Variants in ZMYM4 observed in about 807,000 individuals in gnomAD.
ZMYM4 encodes zinc finger MYM-type containing 4, also known as zinc finger MYM-type protein 4.
In ZMYM4, 31 loss-of-function variants were observed where a neutral mutation model predicts 183.2. The ratio of observed to expected loss-of-function variants is 0.17; its 90% CI spans 0.13 to 0.23. ZMYM4 has a LOEUF of 0.23. Ranked by LOEUF, ZMYM4 falls within the 10% of genes least tolerant of loss-of-function variation. The pLI, the probability that ZMYM4 is intolerant of heterozygous loss-of-function variation, is 1.00. For synonymous variants in ZMYM4, 592 were observed against 631.2 expected (o/e 0.94, Z 0.93); for missense variants, 1,273 against 1,840.3 (o/e 0.69, Z 5.64).
intron 1 of ZMYM4, among the ~76,000 whole-genome samples, chr1:35,307,280 G>A (rs1641574599): frequency 6.6e-6 from 1 of 152,042 alleles, no homozygotes; most frequent in South Asian, 2.1e-4. Context: ...CACTGCATTG[G>A]TAGTGAAAAT....
rs1289633677 is a variant in ZMYM4, at chr1:35,405,467, A to G, written c.3795A>G (p.Arg1265=). Residue 1265 remains arginine (R), a splice_region_variant and synonymous_variant, in exon 25 of 30, where the codon AGA becomes AGG. Transcript: ENST00000314607. ...AAGAATCCTCAGAGCCAGGCTGTAG[A>G]GGTAAAATTTGTTTCTCTCCATTTG... The part of the protein sequence containing the change: ...LSQESSEPGC[R]VRSIKLKEDI... 1.9e-6 allele frequency: 3 copies of G among 1,593,290 alleles called. No homozygotes were observed. The highest frequency in any genetic ancestry group is 2.6e-6 in the Non-Finnish European group (3 of 1,172,918).
intron 1 of ZMYM4, among the ~76,000 whole-genome samples, chr1:35,288,083 C>T (rs1218618981): frequency 6.6e-6 from 1 of 152,136 alleles, no homozygotes; most frequent in Non-Finnish European, 1.5e-5. Context: ...TTCCCTTTCC[C>T]TTACTGTTTA....
rs376222320 is a variant in ZMYM4, at chr1:35,311,529, C to T, written c.40-13831C>T. Among the ~76,000 whole-genome samples the T allele has an allele frequency of 3.5e-3, 529 of 151,722 alleles. 2 individuals are homozygous for T. The highest frequency in any genetic ancestry group is 4.8e-3 in the Non-Finnish European group (329 of 67,926). On this transcript the variant is annotated intron_variant, in intron 1 of 29. Coordinates refer to ENST00000314607, the MANE Select transcript of ZMYM4 (RefSeq NM_005095.3). ...TCACTTCAGACCTGGCGTGGTGGCT[C>T]ATTCTGTAATCCCAGCACTGAGCCA...
chr1:35,308,379 A>G (rs1041074071), intron 1 of ZMYM4, among the ~76,000 whole-genome samples: 7 of 152,222 alleles, frequency 4.6e-5, no homozygotes, highest in Non-Finnish European at 1.0e-4. Flanking sequence ...ATGCAATGGT[A>G]TATACAAACT....
rs769225165 is a variant in ZMYM4 at position 35,405,219 on chromosome 1, C to G, written c.3700+25C>G. 24 of 1,608,666 alleles carry G rather than the reference C, an allele frequency of 1.5e-5. No homozygotes were observed. The Admixed American group carries it at 3.7e-4, about 25-fold the overall frequency. On this transcript the variant is annotated intron_variant, in intron 24 of 29. Coordinates refer to ENST00000314607, the MANE Select transcript of ZMYM4 (RefSeq NM_005095.3). ...GGTAAGTGCACAGCATGAATTGTAT[C>G]TTGATTTAGGTAGGGGGAAATATAC... is the stretch of plus-strand genomic sequence containing the variant.
At chr1:35,280,286 C>G (rs1378207079) in intron 1 of ZMYM4, among the ~76,000 whole-genome samples, 2 of 149,112 alleles carry the variant, frequency 1.3e-5, no homozygotes, top group African/African-American at 2.5e-5. Flanking sequence ...CTCTCCCTCT[C>G]TCTCTCTTCT....
chr1:35,415,435 TA>T lies in ZMYM4; in HGVS notation c.4061-30del, dbSNP rs775861152. 3.7e-6 allele frequency: 6 copies of T among 1,613,800 alleles called. No individual in the cohort carries two copies. The African/African-American group carries it at 6.7e-5, about 18-fold the overall frequency. ...TTAGTCTACTTTAGCAGGAGCTCAGTACTGTTTCTTGTACCCCTTCTTCTGT... is the reference window on the plus strand; with the variant it reads ...TTAGTCTACTTTAGCAGGAGCTCAGTCTGTTTCTTGTACCCCTTCTTCTGT... On this transcript the variant is annotated intron_variant, in intron 27 of 29. Transcript: ENST00000314607.
At chr1:35,417,510 TACTAGTGCCCCAC>T (rs1278662534) in intron 28 of ZMYM4, among the ~76,000 whole-genome samples, 3 of 152,208 alleles carry the variant, frequency 2.0e-5, no homozygotes, top group African/African-American at 4.8e-5. Flanking sequence ...AGATGCCCAG[TACTAGTGCCCCAC>T]AGTAGAAATA....
chr1:35,276,091 A>G (rs963686421), intron 1 of ZMYM4, among the ~76,000 whole-genome samples: 3 of 152,022 alleles, frequency 2.0e-5, no homozygotes, highest in African/African-American at 7.3e-5. Flanking sequence ...CAGTTCTTTG[A>G]GAACCCAGCA....
In ZMYM4 at chr1:35,418,558, T is replaced by C. The variant is rs1640212418; in HGVS notation, c.4425T>C (p.Phe1475=). The change falls in exon 29 of 30, where the codon TTT becomes TTC. Residue 1475 remains phenylalanine (F), a synonymous_variant. Transcript: ENST00000314607. ...PLRCPVRLYE[F]YLSKCSESVK... The stretch of plus-strand genomic sequence containing the variant: ...GATGCCCAGTCCGACTTTATGAGTT[T>C]TACCTGTCAAAATGGTAATCTTTCT... 6.2e-7 allele frequency: 1 copy of C among 1,613,912 alleles called. No individual in the cohort carries two copies. The highest frequency in any genetic ancestry group is 1.1e-5 in the South Asian group (1 of 91,050).
chr1:35,293,283 G>T (rs1640850836), intron 1 of ZMYM4, among the ~76,000 whole-genome samples: 1 of 151,982 alleles, frequency 6.6e-6, no homozygotes, highest in African/African-American at 2.4e-5. Context: ...AGGACTACAG[G>T]TGTGAACCAC....
intron 1 of ZMYM4, among the ~76,000 whole-genome samples, chr1:35,282,453 A>AGGTATAT (rs1485269255): frequency 6.6e-6 from 1 of 152,228 alleles, no homozygotes; most frequent in Non-Finnish European, 1.5e-5. Context: ...TAAGTTACTC[A>AGGTATAT]ACCTCAGGTA....
chr1:35,370,573 C>T lies in ZMYM4; in HGVS notation c.1127C>T (p.Pro376Leu), dbSNP rs748244300. ...CTGTGCCTCACTGGATATACAGTTC[C>T]ACCTGCCCGCCCACCGCCTCCTCTC... ...STLCLTGYTV[P>L]PARPPPPLTK... Residue 376 changes from proline (P) to leucine (L), a missense_variant, in exon 7 of 30, where the codon CCA becomes CTA. Physicochemically the swap from Pro to Leu is moderately conservative, Grantham distance 98 (BLOSUM62 -3). Around this residue, in one of 6 missense-constraint regions of ZMYM4, gnomAD observed 384 missense variants for 465.6 expected, o/e 0.82. Coordinates refer to ENST00000314607, the MANE Select transcript of ZMYM4 (RefSeq NM_005095.3). 32 of 1,612,494 alleles carry T rather than the reference C, an allele frequency of 2.0e-5. No homozygotes were observed. Among genetic ancestry groups the T allele is most frequent in the Non-Finnish European group, 2.5e-5 (30 of 1,179,270 alleles).
intron 2 of ZMYM4, among the ~76,000 whole-genome samples, chr1:35,329,691 T>A (rs1642652908): frequency 6.6e-6 from 1 of 152,102 alleles, no homozygotes; most frequent in African/African-American, 2.4e-5. Context: ...TGTGAAAAAG[T>A]TTGCATGTAT....
At chr1:35,278,680 CA>C (rs1326317775) in intron 1 of ZMYM4, among the ~76,000 whole-genome samples, 1 of 152,124 alleles carries the variant, frequency 6.6e-6, no homozygotes, top group African/African-American at 2.4e-5. Context: ...CTCGGCCTCC[CA>C]AAGTGCTGGG....
At chr1:35,320,029 A>G (rs1215097064) in intron 1 of ZMYM4, among the ~76,000 whole-genome samples, 1 of 152,234 alleles carries the variant, frequency 6.6e-6, no homozygotes, top group Non-Finnish European at 1.5e-5. Context: ...ACAAATAAAA[A>G]TATCTTTGGG....
At position 35,278,011 on chromosome 1, in the gene ZMYM4, A is replaced by G. The variant is rs960413361; in HGVS notation, c.39+8926A>G. Among the ~76,000 whole-genome samples the G allele has an allele frequency of 3.9e-5, 6 of 152,212 alleles. No homozygotes were observed. The South Asian group carries it at 1.2e-3, about 31-fold the overall frequency. ...TACTTGGTAGCTTAAAACATCAGAAATTATCTCACAGTTTTGGAGGCTAGA... is the reference window on the plus strand; with the variant it reads ...TACTTGGTAGCTTAAAACATCAGAAGTTATCTCACAGTTTTGGAGGCTAGA... On this transcript the variant is annotated intron_variant, in intron 1 of 29. Coordinates refer to ENST00000314607, the MANE Select transcript of ZMYM4 (RefSeq NM_005095.3).
chr1:35,405,537 T>G, intron 25 of ZMYM4, 69 bp downstream of exon 25: 1 of 1,210,768 alleles, frequency 8.3e-7, no homozygotes, highest in Non-Finnish European at 1.1e-6. Context: ...ATTTGTAAAT[T>G]GAATATTTAA....
In ZMYM4 at chr1:35,268,807, T is replaced by G. The variant is rs1304278992; in HGVS notation, c.-240T>G. On this transcript the variant is annotated 5_prime_UTR_variant, in exon 1 of 30. Transcript: ENST00000314607. ...CCTTGGAGGCCATTAACCCCCCGAG[T>G]CCCGGCCCCCACCCCGTCCCCGGGC... 1.3e-5 allele frequency among the ~76,000 whole-genome samples: 2 copies of G among 152,052 alleles called. No individual in the cohort carries two copies. Among genetic ancestry groups the G allele is most frequent in the Non-Finnish European group, 2.9e-5 (2 of 67,984 alleles).
Sources: gnomAD v4.1 joint callset for allele counts (sites outside exome capture counted in the v4.1 genomes callset) on GRCh38, gnomAD v4.1.1 for gene constraint, gnomAD v4.1.1 regional missense constraint, MANE v1.5 for transcripts, NCBI Gene and HGNC (gene_info 2026-07-23, HGNC 2026-07-21) for gene names.